Variants in SMIM10L3 observed in about 807,000 individuals in gnomAD.
SMIM10L3 encodes small integral membrane protein 10 like 3.
At chr7:6,343,333 C>G in the SMIM10L3 span, among the ~76,000 whole-genome samples, 1 of 148,580 alleles carries the variant, frequency 6.7e-6, no homozygotes, top group Non-Finnish European at 1.5e-5. Flanking sequence ...TCCAAAATCA[C>G]ACCACTGCAC....
the SMIM10L3 span, among the ~76,000 whole-genome samples, chr7:6,344,446 G>A: frequency 2.0e-5 from 3 of 151,982 alleles, no homozygotes; most frequent in Non-Finnish European, 2.9e-5. Context: ...TTTTACAGAC[G>A]GGGTCTTGCT....
chr7:6,338,622 C>G, the SMIM10L3 span: 2 of 152,208 alleles, frequency 1.3e-5, no homozygotes, highest in Admixed American at 1.3e-4. Flanking sequence ...CCAGGTATAC[C>G]CGATCCTCAC....
chr7:6,343,087 A>G, the SMIM10L3 span, among the ~76,000 whole-genome samples: 1 of 151,174 alleles, frequency 6.6e-6, no homozygotes. Context: ...AAAAGAAAAG[A>G]AAAAATTGGC....
At chr7:6,331,254 T>C in the SMIM10L3 span, 2 of 1,251,218 alleles carry the variant, frequency 1.6e-6, no homozygotes, top group African/African-American at 1.5e-5. Flanking sequence ...GGGAATCAAA[T>C]TAAAGTTCTA....
chr7:6,344,583 T>C, the SMIM10L3 span, among the ~76,000 whole-genome samples: 1 of 151,846 alleles, frequency 6.6e-6, no homozygotes, highest in Non-Finnish European at 1.5e-5. Flanking sequence ...CACGCCCAGC[T>C]AATTTTTGTA....
the SMIM10L3 span, among the ~76,000 whole-genome samples, chr7:6,332,810 T>C: frequency 6.6e-5 from 10 of 152,284 alleles, no homozygotes; most frequent in East Asian, 1.7e-3. Context: ...GTTTCTCTAA[T>C]CTTATGGAAC....
At chr7:6,346,448 C>T in the SMIM10L3 span, among the ~76,000 whole-genome samples, 1 of 152,254 alleles carries the variant, frequency 6.6e-6, no homozygotes, top group Middle Eastern at 3.4e-3. Flanking sequence ...CTCACTGCAA[C>T]GTCTGCCTCC....
chr7:6,334,574 C>G, the SMIM10L3 span, among the ~76,000 whole-genome samples: 1 of 151,848 alleles, frequency 6.6e-6, no homozygotes, highest in Non-Finnish European at 1.5e-5. Context: ...TTCAACAATT[C>G]TCCTGCCTAA....
the SMIM10L3 span, chr7:6,348,851 AAGG>A: frequency 2.6e-6 from 1 of 390,144 alleles, no homozygotes; most frequent in Non-Finnish European, 4.5e-6. Context: ...TCAGGGAGCG[AAGG>A]AGGCGGCGGC....
chr7:6,331,023 G>C, the SMIM10L3 span: 1 of 1,614,110 alleles, frequency 6.2e-7, no homozygotes, highest in Admixed American at 1.7e-5. Context: ...TCATCCAGGA[G>C]GGTGCATCTG....
chr7:6,330,339 T>C, the SMIM10L3 span: 1 of 1,561,396 alleles, frequency 6.4e-7, no homozygotes, highest in Admixed American at 1.9e-5. Flanking sequence ...AAGACAACTC[T>C]TAAAATTAAT....
chr7:6,330,344 AT>A, the SMIM10L3 span: 1 of 1,567,764 alleles, frequency 6.4e-7, no homozygotes, highest in Non-Finnish European at 8.6e-7. Flanking sequence ...AACTCTTAAA[AT>A]TAATCTATTG....
the SMIM10L3 span, among the ~76,000 whole-genome samples, chr7:6,339,171 T>C: frequency 6.6e-6 from 1 of 152,126 alleles, no homozygotes; most frequent in African/African-American, 2.4e-5. Flanking sequence ...TTGGCACGTC[T>C]AAATCACACC....
At chr7:6,337,417 C>CA in the SMIM10L3 span, among the ~76,000 whole-genome samples, 40 of 151,306 alleles carry the variant, frequency 2.6e-4, no homozygotes, top group African/African-American at 9.3e-4. Flanking sequence ...CCACTGCGCC[C>CA]GCCCAGTATT....
chr7:6,334,789 A>C, the SMIM10L3 span, among the ~76,000 whole-genome samples: 1 of 126,984 alleles, frequency 7.9e-6, no homozygotes. Flanking sequence ...AGTTATTTTG[A>C]AATGGAGTTT....
chr7:6,340,491 C>T, the SMIM10L3 span, among the ~76,000 whole-genome samples: 7 of 152,062 alleles, frequency 4.6e-5, no homozygotes, highest in Admixed American at 1.3e-4. Context: ...GCACGGAGGC[C>T]GTGCTGCACC....
At chr7:6,337,161 T>C in the SMIM10L3 span, among the ~76,000 whole-genome samples, 1 of 152,132 alleles carries the variant, frequency 6.6e-6, no homozygotes, top group South Asian at 2.1e-4. Flanking sequence ...AGCCTCTGCT[T>C]CCCGCACTCA....
At chr7:6,346,872 C>T in the SMIM10L3 span, among the ~76,000 whole-genome samples, 52 of 152,250 alleles carry the variant, frequency 3.4e-4, no homozygotes, top group Non-Finnish European at 5.1e-4. Flanking sequence ...TCATTCTGCA[C>T]GCCAGGGAGC....
At chr7:6,346,957 G>A in the SMIM10L3 span, among the ~76,000 whole-genome samples, 4 of 152,150 alleles carry the variant, frequency 2.6e-5, no homozygotes, top group African/African-American at 9.7e-5. Context: ...CAAATGGAAT[G>A]CAAGAGGGGC....
Sources: allele counts gnomAD v4.1 joint callset (sites outside exome capture counted in the v4.1 genomes callset), GRCh38; gene constraint gnomAD v4.1.1; transcripts MANE v1.5; gene names NCBI Gene and HGNC (gene_info 2026-07-23, HGNC 2026-07-21).